The following TAMALIN variants were observed in gnomAD, a reference collection of about 807,000 sequenced individuals.
TAMALIN encodes protein TAMALIN.
Under a neutral mutation model 38.5 loss-of-function variants are expected in TAMALIN, and 9 were observed. That is an observed-to-expected ratio of 0.23 (90% CI 0.14 to 0.41). TAMALIN has a LOEUF of 0.41. Among genes scored for constraint, TAMALIN ranks in the 10% least tolerant of loss-of-function variants. The pLI is 1.00. For missense variants in TAMALIN, 548 were observed against 554.1 expected, an observed-to-expected ratio of 0.99 and a Z score of 0.11; for synonymous variants, 306 against 256.5, an observed-to-expected ratio of 1.19 and a Z score of -1.85.
Position 52,007,952 on chromosome 12 carries a change from C to T in TAMALIN, c.246+687C>T. 3.0e-6 allele frequency: 3 copies of T among 985,406 alleles called. No homozygotes were observed. Among genetic ancestry groups the T allele is most frequent in the South Asian group, 4.7e-5 (1 of 21,292 alleles). The allele number at this position is 985,406 out of a possible 1,614,324, so 61.0% of individuals were successfully genotyped here. ...CCCTCTGCCAGCCTCTTCCTCTGGC[C>T]CCAGGAGACCTGAGGCTCAGAACCT... On this transcript the variant is annotated intron_variant, in intron 1 of 7. Coordinates refer to ENST00000293662, the MANE Select transcript of TAMALIN (RefSeq NM_181711.4). This position sits in a 1 kb window ranked among gnomAD's most constrained non-coding sequence, Gnocchi z 6.7.
At chr12:52,013,455 ACAACCTGGTAGTCACTACAGGCC>A in intron 4 of TAMALIN, 1 of 518,734 alleles carries the variant, frequency 1.9e-6, no homozygotes, top group Non-Finnish European at 3.5e-6. Context: ...CTGGGCGTGG[ACAACCTGGTAGTCACTACAGGCC>A]CACAAGAATG....
chr12:52,008,046 C>T, intron 1 of TAMALIN: 1 of 985,438 alleles, frequency 1.0e-6, no homozygotes, highest in Non-Finnish European at 1.2e-6. Context: ...TTCGCCCCGG[C>T]CCCCAGCTAG....
chr12:52,015,307 G>C lies in TAMALIN; in HGVS notation c.*108G>C. The C allele has an allele frequency of 7.6e-7, 1 of 1,317,922 alleles. No individual in the cohort carries two copies. Among genetic ancestry groups the C allele is most frequent in the Non-Finnish European group, 9.9e-7 (1 of 1,006,720 alleles). The allele number at this position is 1,317,922 out of a possible 1,614,324, so 81.6% of individuals were successfully genotyped here. A position where few individuals can be genotyped will look rare whatever the true frequency, so the allele number is the denominator to read the frequency against. On this transcript the variant is annotated 3_prime_UTR_variant, in exon 8 of 8. Transcript: ENST00000293662. ...CCCAGGAGCCCAGAGCAGCGGGAGA[G>C]GGTCCTTCCTAGCCTCGGCCCGCCG...
intron 1 of TAMALIN, chr12:52,008,148 C>T: frequency 1.0e-6 from 1 of 985,426 alleles, no homozygotes; most frequent in Non-Finnish European, 1.2e-6. Context: ...CCAGTCCTTC[C>T]TCCCTGGCCG....
rs1261691981 is a variant in TAMALIN, at chr12:52,007,328, T to G, written c.246+63T>G. 8.1e-6 allele frequency: 11 copies of G among 1,352,300 alleles called. No homozygotes were observed. In the African/African-American group the frequency reaches 1.7e-4, roughly 20 times the overall value. 83.8% of individuals were successfully genotyped at this position (1,352,300 alleles called of 1,614,324 possible). On this transcript the variant is annotated intron_variant, in intron 1 of 7. Transcript: ENST00000293662. This position sits in a 1 kb window ranked among gnomAD's most constrained non-coding sequence, Gnocchi z 6.7. ...CTCTCCGACTCCCTACAGGGCCTGC[T>G]GACTCCGCAGTGCCCTCTCCTCGGC...
chr12:52,013,729 T>G lies in TAMALIN; in HGVS notation c.497T>G (p.Ile166Ser), dbSNP rs1199221783. 1 of 1,614,176 alleles carries G rather than the reference T, an allele frequency of 6.2e-7. No homozygotes were observed. The highest frequency in any genetic ancestry group is 1.1e-5 in the South Asian group (1 of 91,082). ...ASVNGLNVEG[I>S]RHREIVDIIK... The stretch of plus-strand genomic sequence containing the variant: ...GTCAATGGCCTGAATGTGGAAGGCA[T>G]CCGGCATCGAGAGATTGTGGACATC... Residue 166 changes from isoleucine to serine, a missense_variant, in exon 5 of 8, where the codon ATC becomes AGC. Transcript: ENST00000293662.
intron 2 of TAMALIN, 104 bp downstream of exon 2, chr12:52,009,343 T>C: frequency 8.9e-7 from 1 of 1,127,894 alleles, no homozygotes; most frequent in Non-Finnish European, 1.3e-6. Flanking sequence ...GTCATTCTCC[T>C]AGCCTTTAAA....
chr12:52,007,338 G>C lies in TAMALIN; in HGVS notation c.246+73G>C. 1 of 1,333,120 alleles carries C rather than the reference G, an allele frequency of 7.5e-7. No homozygotes were observed. Among genetic ancestry groups the C allele is most frequent in the Non-Finnish European group, 9.6e-7 (1 of 1,042,136 alleles). The allele number at this position is 1,333,120 out of a possible 1,614,324, so 82.6% of individuals were successfully genotyped here. ...CCCTACAGGGCCTGCTGACTCCGCAGTGCCCTCTCCTCGGCGTCCGCGGAG... is the reference window on the plus strand; with the variant it reads ...CCCTACAGGGCCTGCTGACTCCGCACTGCCCTCTCCTCGGCGTCCGCGGAG... On this transcript the variant is annotated intron_variant, in intron 1 of 7. Transcript: ENST00000293662. The surrounding 1 kb of genome is among the most constrained non-coding windows in gnomAD (Gnocchi z 6.7).
chr12:52,007,933 G>A lies in TAMALIN; in HGVS notation c.246+668G>A. 1.0e-6 allele frequency: 1 copy of A among 985,454 alleles called. No individual in the cohort carries two copies. Among genetic ancestry groups the A allele is most frequent in the Non-Finnish European group, 1.2e-6 (1 of 829,926 alleles). 61.0% of individuals were successfully genotyped at this position (985,454 alleles called of 1,614,324 possible). A position where few individuals can be genotyped will look rare whatever the true frequency, so the allele number is the denominator to read the frequency against. ...CCGCGCCCACCTCTGAGTCCCCTCTGCCAGCCTCTTCCTCTGGCCCCAGGA... is the reference window on the plus strand; with the variant it reads ...CCGCGCCCACCTCTGAGTCCCCTCTACCAGCCTCTTCCTCTGGCCCCAGGA... On this transcript the variant is annotated intron_variant, in intron 1 of 7. Coordinates refer to ENST00000293662, the MANE Select transcript of TAMALIN (RefSeq NM_181711.4). The surrounding 1 kb of genome is among the most constrained non-coding windows in gnomAD (Gnocchi z 6.7).
rs1373486197 is a variant in TAMALIN, at chr12:52,007,963, T to A, written c.246+698T>A. ...CCTCTTCCTCTGGCCCCAGGAGACC[T>A]GAGGCTCAGAACCTACACAACACCA... On this transcript the variant is annotated intron_variant, in intron 1 of 7. Coordinates refer to ENST00000293662, the MANE Select transcript of TAMALIN (RefSeq NM_181711.4). This position sits in a 1 kb window ranked among gnomAD's most constrained non-coding sequence, Gnocchi z 6.7. 1.0e-6 allele frequency: 1 copy of A among 985,296 alleles called. No homozygotes were observed. Among genetic ancestry groups the A allele is most frequent in the African/African-American group, 1.7e-5 (1 of 57,238 alleles). The allele number at this position is 985,296 out of a possible 1,614,324, so 61.0% of individuals were successfully genotyped here.
At chr12:52,012,248 A>G (rs1358395985) in intron 4 of TAMALIN, among the ~76,000 whole-genome samples, 4 of 152,202 alleles carry the variant, frequency 2.6e-5, no homozygotes, top group African/African-American at 7.2e-5. Context: ...CAGATCCTTC[A>G]TGGCCCAAAT....
Position 52,007,347 on chromosome 12 carries a change from C to T in TAMALIN, c.246+82C>T, listed in dbSNP as rs994528825. ...GCCTGCTGACTCCGCAGTGCCCTCT[C>T]CTCGGCGTCCGCGGAGTCCCCCACC... On this transcript the variant is annotated intron_variant, in intron 1 of 7. Coordinates refer to ENST00000293662, the MANE Select transcript of TAMALIN (RefSeq NM_181711.4). The surrounding 1 kb of genome is among the most constrained non-coding windows in gnomAD (Gnocchi z 6.7). 2.1e-5 allele frequency: 28 copies of T among 1,308,106 alleles called. No individual in the cohort carries two copies. Among genetic ancestry groups the T allele is most frequent in the Non-Finnish European group, 1.8e-5 (19 of 1,028,838 alleles). The allele number at this position is 1,308,106 out of a possible 1,614,324, so 81.0% of individuals were successfully genotyped here. A position where few individuals can be genotyped will look rare whatever the true frequency, so the allele number is the denominator to read the frequency against.
intron 4 of TAMALIN, chr12:52,013,447 G>GTATCATTAAAAAA: frequency 4.0e-6 from 2 of 502,888 alleles, no homozygotes. Context: ...CTGGGGTGCT[G>GTATCATTAAAAAA]GGCGTGGACA....
rs367922208 is a variant in TAMALIN at position 52,013,737 on chromosome 12, C to T, written c.505C>T (p.Arg169Ter). ...NGLNVEGIRH[R>*]EIVDIIKASG... ...CCTGAATGTGGAAGGCATCCGGCAT[C>T]GAGAGATTGTGGACATCATTAAGGC... The change falls in exon 5 of 8, where the codon CGA becomes TGA. Residue 169 changes from arginine (R) to a stop codon, truncating the protein, a stop_gained. Coordinates refer to ENST00000293662, the MANE Select transcript of TAMALIN (RefSeq NM_181711.4). LOFTEE classifies it high-confidence loss of function. The T allele has an allele frequency of 3.1e-6, 5 of 1,614,000 alleles. No homozygotes were observed. Among genetic ancestry groups the T allele is most frequent in the South Asian group, 2.2e-5 (2 of 91,082 alleles).
rs1425548635 is a variant in TAMALIN at position 52,007,467 on chromosome 12, G to A, written c.246+202G>A. ...CTGCACACCGCGCCCAGGCTCGGTG[G>A]CTCTTAACTCCGCGCCCCATGCACG... On this transcript the variant is annotated intron_variant, in intron 1 of 7. Transcript: ENST00000293662. This position sits in a 1 kb window ranked among gnomAD's most constrained non-coding sequence, Gnocchi z 6.7. 1 of 984,810 alleles carries A rather than the reference G, an allele frequency of 1.0e-6. No individual in the cohort carries two copies. Among genetic ancestry groups the A allele is most frequent in the East Asian group, 1.1e-4 (1 of 8,750 alleles). 61.0% of individuals were successfully genotyped at this position (984,810 alleles called of 1,614,324 possible).
At position 52,015,403 on chromosome 12, in the gene TAMALIN, A is replaced by C; in HGVS notation, c.*204A>C. The stretch of plus-strand genomic sequence containing the variant: ...CCCTTCTCTTCTCCCCCGCCAAACC[A>C]CAGTGGGAGCTGGGGCAGGGGGAGA... On this transcript the variant is annotated 3_prime_UTR_variant, in exon 8 of 8. Coordinates refer to ENST00000293662, the MANE Select transcript of TAMALIN (RefSeq NM_181711.4). The C allele has an allele frequency of 5.4e-6, 3 of 559,764 alleles. No homozygotes were observed. The highest frequency in any genetic ancestry group is 4.0e-5 in the East Asian group (1 of 25,274). 34.7% of individuals were successfully genotyped at this position (559,764 alleles called of 1,614,324 possible). A position where few individuals can be genotyped will look rare whatever the true frequency, so the allele number is the denominator to read the frequency against.
At chr12:52,008,171 C>A (rs2120822593) in intron 1 of TAMALIN, 1 of 985,424 alleles carries the variant, frequency 1.0e-6, no homozygotes, top group Non-Finnish European at 1.2e-6. Flanking sequence ...TGGGAACTGT[C>A]CCCACCCCTG....
At position 52,007,856 on chromosome 12, in the gene TAMALIN, C is replaced by G; in HGVS notation, c.246+591C>G. The G allele has an allele frequency of 1.0e-6, 1 of 985,410 alleles. No individual in the cohort carries two copies. The allele number at this position is 985,410 out of a possible 1,614,324, so 61.0% of individuals were successfully genotyped here. A position where few individuals can be genotyped will look rare whatever the true frequency, so the allele number is the denominator to read the frequency against. ...CTGCTCCCTGGACTTCTGTCGGAAC[C>G]GGACGCAGTGGGAGGGGTCGCAGGG... On this transcript the variant is annotated intron_variant, in intron 1 of 7. Transcript: ENST00000293662. The surrounding 1 kb of genome is among the most constrained non-coding windows in gnomAD (Gnocchi z 6.7).
At chr12:52,010,847 A>G in intron 2 of TAMALIN, 34 bp from the exon 3 acceptor site, 1 of 1,612,668 alleles carries the variant, frequency 6.2e-7, no homozygotes, top group Non-Finnish European at 8.5e-7. Flanking sequence ...ACACCTTTTA[A>G]TCCTAATTGT....
Sources: gnomAD v4.1 joint callset for allele counts (sites outside exome capture counted in the v4.1 genomes callset) on GRCh38, gnomAD v4.1.1 for gene constraint, Gnocchi (gnomAD v3.1) non-coding constraint, MANE v1.5 for transcripts, NCBI Gene and HGNC (gene_info 2026-07-23, HGNC 2026-07-21) for gene names.